AATF: variants seen among roughly 807,000 people sequenced by gnomAD.
AATF encodes apoptosis antagonizing transcription factor.
In AATF, 48 loss-of-function variants were observed where a neutral mutation model predicts 63.7. The ratio of observed to expected loss-of-function variants is 0.75; its 90% CI spans 0.60 to 0.96. AATF has a LOEUF of 0.96. Among genes scored for constraint, AATF ranks in the 40% least tolerant of loss-of-function variants. The pLI is 0.00. For missense variants in AATF, 639 were observed against 685.7 expected (o/e 0.93, Z 0.76); for synonymous variants, 258 against 247.7 (o/e 1.04, Z -0.39).
intron 8 of AATF, among the ~76,000 whole-genome samples, chr17:37,004,990 C>T (rs372734512): frequency 2.0e-5 from 3 of 152,244 alleles, no homozygotes; most frequent in Admixed American, 6.5e-5. Context: ...TCTGAAAACT[C>T]GTAGTTTTGT....
At chr17:37,002,085 C>G (rs940885194) in intron 8 of AATF, among the ~76,000 whole-genome samples, 4 of 151,618 alleles carry the variant, frequency 2.6e-5, no homozygotes, top group Non-Finnish European at 5.9e-5. Context: ...GCCTGTAATC[C>G]CAGCCACTCG....
Position 37,042,736 on chromosome 17 carries a change from TC to T in AATF, c.1619+11052del, listed in dbSNP as rs201396733. On this transcript the variant is annotated intron_variant, in intron 11 of 11. Transcript: ENST00000619387. The stretch of plus-strand genomic sequence containing the variant: ...GCACCTGGCCTTTTAATTTTTTCTT[TC>T]TTTTTTTTTTTTTTTTCTTTTTGAG... Among the ~76,000 whole-genome samples the T allele has an allele frequency of 3.2e-4, 47 of 148,100 alleles. 1 individual carries two copies. The highest frequency in any genetic ancestry group is 4.8e-4 in the African/African-American group (19 of 39,844).
intron 4 of AATF, among the ~76,000 whole-genome samples, chr17:36,956,359 C>T (rs1480972734): frequency 6.6e-6 from 1 of 152,182 alleles, no homozygotes; most frequent in African/African-American, 2.4e-5. Flanking sequence ...ACTCCCCTGT[C>T]TTGATAAACA....
At chr17:37,004,195 G>A (rs865993624) in intron 8 of AATF, among the ~76,000 whole-genome samples, 12 of 152,130 alleles carry the variant, frequency 7.9e-5, no homozygotes, top group African/African-American at 2.9e-4. Context: ...GCCAGGCGTG[G>A]TGGCGGACGC....
intron 4 of AATF, among the ~76,000 whole-genome samples, chr17:36,980,914 T>G (rs1306136698): frequency 6.6e-6 from 1 of 151,890 alleles, no homozygotes; most frequent in Admixed American, 6.6e-5. Flanking sequence ...TTTTTTTTTT[T>G]TTGGTGGTTA....
intron 4 of AATF, among the ~76,000 whole-genome samples, chr17:36,964,199 G>A (rs111656483): frequency 0.037 from 5,231 of 139,524 alleles, 353 homozygotes; most frequent in African/African-American, 0.13. Context: ...TTAAGGTGAA[G>A]TATCAGCGTG....
chr17:36,958,060 G>A (rs1249934341), intron 4 of AATF, among the ~76,000 whole-genome samples: 1 of 152,206 alleles, frequency 6.6e-6, no homozygotes, highest in African/African-American at 2.4e-5. Context: ...TGATATTTTA[G>A]TGGCTGCATA....
intron 4 of AATF, among the ~76,000 whole-genome samples, chr17:36,957,556 C>T (rs150691584): frequency 6.6e-6 from 1 of 152,172 alleles, no homozygotes; most frequent in African/African-American, 2.4e-5. Context: ...CCTCTTACGA[C>T]GCTATGGAAA....
At chr17:36,962,203 C>T (rs1458403990) in intron 4 of AATF, among the ~76,000 whole-genome samples, 1 of 152,198 alleles carries the variant, frequency 6.6e-6, no homozygotes, top group African/African-American at 2.4e-5. Flanking sequence ...ACTGAAATAA[C>T]ATATGCAGTG....
intron 8 of AATF, among the ~76,000 whole-genome samples, chr17:37,005,280 T>G (rs2071333546): frequency 6.6e-6 from 1 of 151,954 alleles, no homozygotes; most frequent in African/African-American, 2.4e-5. Flanking sequence ...TGCAGGGGAG[T>G]TCAGGGTGTA....
rs927050250 is a variant in AATF at position 36,988,872 on chromosome 17, G to A, written c.1149+152G>A. The stretch of plus-strand genomic sequence containing the variant: ...TATAGCAAAATCTACTGAACTTCTG[G>A]CACTGGGGTTTATACGATTCAGACT... On this transcript the variant is annotated intron_variant, in intron 6 of 11. Coordinates refer to ENST00000619387, the MANE Select transcript of AATF (RefSeq NM_012138.4). 10 of 802,314 alleles carry A rather than the reference G, an allele frequency of 1.2e-5. No homozygotes were observed. The African/African-American group carries it at 1.6e-4, about 13-fold the overall frequency. The allele number at this position is 802,314 out of a possible 1,614,324, so 49.7% of individuals were successfully genotyped here. A position where few individuals can be genotyped will look rare whatever the true frequency, so the allele number is the denominator to read the frequency against.
At chr17:37,028,741 G>A (rs1300095315) in intron 10 of AATF, among the ~76,000 whole-genome samples, 1 of 152,106 alleles carries the variant, frequency 6.6e-6, no homozygotes, top group Non-Finnish European at 1.5e-5. Flanking sequence ...AGCCGAGATA[G>A]CACCACTCCA....
intron 8 of AATF, among the ~76,000 whole-genome samples, chr17:37,007,557 G>A (rs1390028508): frequency 6.6e-6 from 1 of 151,886 alleles, no homozygotes; most frequent in Non-Finnish European, 1.5e-5. Context: ...TGGAGTTCCA[G>A]GTATTAGGGG....
chr17:37,023,203 T>C (rs1167864171), intron 10 of AATF, among the ~76,000 whole-genome samples: 2 of 152,146 alleles, frequency 1.3e-5, no homozygotes, highest in Non-Finnish European at 2.9e-5. Context: ...ATTTACTAAG[T>C]GGAGGTAATA....
intron 10 of AATF, among the ~76,000 whole-genome samples, chr17:37,024,339 T>A (rs2071495453): frequency 6.6e-6 from 1 of 152,218 alleles, no homozygotes; most frequent in African/African-American, 2.4e-5. Context: ...CAAAAAGGTT[T>A]GTAAGCTTGA....
At position 36,970,890 on chromosome 17, in the gene AATF, A is replaced by C. The variant is rs567238242; in HGVS notation, c.833-15727A>C. 1.8e-3 allele frequency among the ~76,000 whole-genome samples: 276 copies of C among 152,164 alleles called. 2 individuals carry two copies. Among genetic ancestry groups the C allele is most frequent in the Non-Finnish European group, 2.9e-3 (194 of 68,004 alleles). ...TTGTGCACTCATTTGCAAAAAAAAA[A>C]CTTCAACCTGTACCTCATACTTGAT... On this transcript the variant is annotated intron_variant, in intron 4 of 11. Coordinates refer to ENST00000619387, the MANE Select transcript of AATF (RefSeq NM_012138.4).
chr17:37,056,769 T>C lies in AATF; in HGVS notation c.*105T>C. 1 of 1,273,786 alleles carries C rather than the reference T, an allele frequency of 7.9e-7. No individual in the cohort carries two copies. 78.9% of individuals were successfully genotyped at this position (1,273,786 alleles called of 1,614,324 possible). ...GGGGCTGAGCTAGTAGGGAAGCCCCTGGAAAGATGCTGCGTTCCGAACCTG... is the reference window on the plus strand; with the variant it reads ...GGGGCTGAGCTAGTAGGGAAGCCCCCGGAAAGATGCTGCGTTCCGAACCTG... On this transcript the variant is annotated 3_prime_UTR_variant, in exon 12 of 12. Coordinates refer to ENST00000619387, the MANE Select transcript of AATF (RefSeq NM_012138.4).
intron 4 of AATF, among the ~76,000 whole-genome samples, chr17:36,972,969 G>A (rs2071051120): frequency 6.6e-6 from 1 of 152,114 alleles, no homozygotes; most frequent in East Asian, 1.9e-4. Context: ...ATTTGTTCCT[G>A]ATTTGCACAT....
At chr17:36,987,661 T>G (rs1318982492) in intron 5 of AATF, among the ~76,000 whole-genome samples, 1 of 152,182 alleles carries the variant, frequency 6.6e-6, no homozygotes, top group Non-Finnish European at 1.5e-5. Flanking sequence ...TGGCAGATAG[T>G]TGGAGGTTGT....
Sources: gnomAD v4.1 joint callset for allele counts (sites outside exome capture counted in the v4.1 genomes callset) on GRCh38, gnomAD v4.1.1 for gene constraint, MANE v1.5 for transcripts, NCBI Gene and HGNC (gene_info 2026-07-23, HGNC 2026-07-21) for gene names.